ZNF383: variants seen among roughly 807,000 people sequenced by gnomAD.
ZNF383 encodes the protein zinc finger protein 383.
Under a neutral mutation model 44.2 loss-of-function variants are expected in ZNF383, and 32 were observed. The ratio of observed to expected loss-of-function variants is 0.72; its 90% CI spans 0.55 to 0.97. The LOEUF (loss-of-function observed/expected upper bound fraction) is 0.97. Among genes scored for constraint, ZNF383 ranks in the 50% least tolerant of loss-of-function variants. ZNF383 has a pLI of 0.00. For missense variants in ZNF383, 487 were observed against 562.5 expected (o/e 0.87, Z 1.36); for synonymous variants, 155 against 186.2 (o/e 0.83, Z 1.36).
At chr19:37,229,742 G>T (rs1268373747) in intron 2 of ZNF383, among the ~76,000 whole-genome samples, 1 of 141,100 alleles carries the variant, frequency 7.1e-6, no homozygotes, top group Non-Finnish European at 1.5e-5. Flanking sequence ...ATATGTGTGT[G>T]TATATATGTA....
intron 5 of ZNF383, among the ~76,000 whole-genome samples, chr19:37,236,954 AAC>A (rs35036376): frequency 0.065 from 9,500 of 146,714 alleles, 292 homozygotes; most frequent in Middle Eastern, 0.097. Flanking sequence ...CACACATGTG[AAC>A]ACACACACAC....
rs1003853721 is a variant in ZNF383 at position 37,220,574 on chromosome 19, G to GT, written c.-168+2302dup. Among the ~76,000 whole-genome samples the GT allele has an allele frequency of 7.8e-3, 1,141 of 147,054 alleles. 32 individuals are homozygous for GT. The highest frequency in any genetic ancestry group is 0.051 in the East Asian group (256 of 5,056). On this transcript the variant is annotated intron_variant, in intron 1 of 5. Coordinates refer to ENST00000684119, the MANE Select transcript of ZNF383 (RefSeq NM_001387601.1). ...GCCTATATTTGTTTTTTTTTTTGTT[G>GT]TTGTTTAATCCCTTTATATTACGTA... is the stretch of plus-strand genomic sequence containing the variant.
Position 37,242,663 on chromosome 19 carries a change from T to C in ZNF383, c.427T>C (p.Phe143Leu). The C allele has an allele frequency of 6.2e-7, 1 of 1,614,080 alleles. No homozygotes were observed. Among genetic ancestry groups the C allele is most frequent in the Non-Finnish European group, 8.5e-7 (1 of 1,179,994 alleles). The part of the protein sequence containing the change: ...YPNGHFSQEI[F>L]TPEYMPTFIQ... ...AAATGGGCATTTTAGTCAAGAAATA[T>C]TCACTCCTGAATACATGCCCACATT... Residue 143 changes from phenylalanine to leucine, a missense_variant, in exon 6 of 6, where the codon TTC (phenylalanine) becomes CTC (leucine). Coordinates refer to ENST00000684119, the MANE Select transcript of ZNF383 (RefSeq NM_001387601.1).
At chr19:37,234,490 G>A (rs1474311174) in intron 3 of ZNF383, among the ~76,000 whole-genome samples, 1 of 152,098 alleles carries the variant, frequency 6.6e-6, no homozygotes, top group Non-Finnish European at 1.5e-5. Context: ...CCGGATTCAC[G>A]CCACTCTCCT....
chr19:37,234,948 T>C (rs1393865906), intron 3 of ZNF383, among the ~76,000 whole-genome samples: 2 of 152,174 alleles, frequency 1.3e-5, no homozygotes, highest in Non-Finnish European at 2.9e-5. Flanking sequence ...CCAAAGAACC[T>C]TGGTTTCTTT....
intron 5 of ZNF383, among the ~76,000 whole-genome samples, chr19:37,237,250 G>A (rs1973859487): frequency 6.6e-6 from 1 of 152,140 alleles, no homozygotes; most frequent in African/African-American, 2.4e-5. Flanking sequence ...AGAGAAATGA[G>A]ATAAGGAGTT....
intron 3 of ZNF383, among the ~76,000 whole-genome samples, 162 bp from the exon 4 acceptor site, chr19:37,235,387 A>G (rs573283116): frequency 6.6e-6 from 1 of 152,310 alleles, no homozygotes; most frequent in Non-Finnish European, 1.5e-5. Context: ...AATTTGTTTA[A>G]TATAAACTTC....
Position 37,242,484 on chromosome 19 carries a change from G to C in ZNF383, c.248G>C (p.Cys83Ser). ...TTTCTTTCAGATCTGGAATCGATGTGTGAAACCAAGTTATTATCTCTAAAG... is the reference window on the plus strand; with the variant it reads ...TTTCTTTCAGATCTGGAATCGATGTCTGAAACCAAGTTATTATCTCTAAAG... The part of the protein sequence containing the change: ...RGLCSDLESM[C>S]ETKLLSLKKE... Residue 83 changes from cysteine to serine, a missense_variant, in exon 6 of 6, where the codon TGT becomes TCT. Physicochemically the swap from Cys to Ser is moderately radical, Grantham distance 112 (BLOSUM62 -1). Transcript: ENST00000684119. 6.3e-7 allele frequency: 1 copy of C among 1,589,972 alleles called. No homozygotes were observed. The highest frequency in any genetic ancestry group is 8.6e-7 in the Non-Finnish European group (1 of 1,165,108).
rs757297960 is a variant in ZNF383 at position 37,236,020 on chromosome 19, C to G, written c.178C>G (p.Gln60Glu). 1.9e-6 allele frequency: 3 copies of G among 1,613,760 alleles called. No homozygotes were observed. The South Asian group carries it at 3.3e-5, about 18-fold the overall frequency. The part of the protein sequence containing the change: ...PKPQVISLLE[Q>E]GKEPWMVGRE... ...GCCTCAAGTGATCTCCTTATTGGAA[C>G]AAGGGAAAGAGCCCTGGATGGTTGG... The change falls in exon 5 of 6, where the codon CAA becomes GAA. Residue 60 changes from glutamine (Q) to glutamate (E), a missense_variant. Coordinates refer to ENST00000684119, the MANE Select transcript of ZNF383 (RefSeq NM_001387601.1).
At chr19:37,234,644 C>T (rs1477927928) in intron 3 of ZNF383, among the ~76,000 whole-genome samples, 1 of 152,160 alleles carries the variant, frequency 6.6e-6, no homozygotes, top group East Asian at 1.9e-4. Flanking sequence ...CCCGCCTTGG[C>T]CTCCCAAAAT....
rs757422244 is a variant in ZNF383, at chr19:37,235,801, T to C, written c.136+126T>C. On this transcript the variant is annotated intron_variant, in intron 4 of 5. Coordinates refer to ENST00000684119, the MANE Select transcript of ZNF383 (RefSeq NM_001387601.1). Reference sequence around the variant, plus strand: ...TATTCTTTATTACCAAACAAATGGTTTGAGCTGAAATGAAAAGGAAGAGTG... The same window carrying C: ...TATTCTTTATTACCAAACAAATGGTCTGAGCTGAAATGAAAAGGAAGAGTG... 15 of 1,369,062 alleles carry C rather than the reference T, an allele frequency of 1.1e-5. No individual in the cohort carries two copies. The South Asian group carries it at 2.2e-4, about 20-fold the overall frequency. The allele number at this position is 1,369,062 out of a possible 1,614,324, so 84.8% of individuals were successfully genotyped here.
At chr19:37,236,935 G>A (rs145453019) in intron 5 of ZNF383, among the ~76,000 whole-genome samples, 7 of 148,380 alleles carry the variant, frequency 4.7e-5, no homozygotes, top group African/African-American at 9.9e-5. Flanking sequence ...ATATAATTGC[G>A]TCTGTATACA....
chr19:37,245,384 C>T lies in ZNF383; in HGVS notation c.*1720C>T, dbSNP rs2145554703. ...TTTCTCCTTGTGAGCTGTTTTGTTC[C>T]CTTACATCAATCCTAATCCCAATGC... is the stretch of plus-strand genomic sequence containing the variant. On this transcript the variant is annotated 3_prime_UTR_variant, in exon 6 of 6. Transcript: ENST00000684119. 6.6e-6 allele frequency: 1 copy of T among 152,160 alleles called. No individual in the cohort carries two copies. The highest frequency in any genetic ancestry group is 2.4e-5 in the African/African-American group (1 of 41,522). The allele number at this position is 152,160 out of a possible 1,614,324, so 9.4% of individuals were successfully genotyped here.
chr19:37,235,070 C>T (rs1045588851), intron 3 of ZNF383, among the ~76,000 whole-genome samples: 1 of 151,956 alleles, frequency 6.6e-6, no homozygotes, highest in African/African-American at 2.4e-5. Context: ...GTCAGGAGTT[C>T]GAGACCAGCC....
At chr19:37,237,864 ATT>A (rs776649087) in intron 5 of ZNF383, among the ~76,000 whole-genome samples, 23 of 139,778 alleles carry the variant, frequency 1.6e-4, no homozygotes, top group Non-Finnish European at 1.4e-4. Context: ...CGTTTTTGGA[ATT>A]TTTTTTTTTT....
At chr19:37,219,977 A>C (rs540281997) in intron 1 of ZNF383, among the ~76,000 whole-genome samples, 134 of 152,244 alleles carry the variant, frequency 8.8e-4, no homozygotes, top group African/African-American at 3.1e-3. Context: ...TTTTAAACAC[A>C]CACACACTCT....
intron 1 of ZNF383, 27 bp downstream of exon 1, chr19:37,218,301 T>A (rs1972766649): frequency 6.6e-6 from 1 of 152,428 alleles, no homozygotes; most frequent in South Asian, 2.1e-4. Flanking sequence ...TTGAAGGGAC[T>A]GACCAGGCTG....
intron 1 of ZNF383, among the ~76,000 whole-genome samples, chr19:37,220,647 A>G (rs1972879836): frequency 6.6e-6 from 1 of 151,680 alleles, no homozygotes; most frequent in South Asian, 2.1e-4. Flanking sequence ...AGAAGTAATT[A>G]TAAAGAGACC....
chr19:37,243,239 G>A lies in ZNF383; in HGVS notation c.1003G>A (p.Glu335Lys), dbSNP rs777507062. The change falls in exon 6 of 6, where the codon GAG (glutamate) becomes AAG (lysine). Residue 335 changes from glutamate (E) to lysine (K), a missense_variant. By Grantham distance (56) the Glu-to-Lys change is moderately conservative. Coordinates refer to ENST00000684119, the MANE Select transcript of ZNF383 (RefSeq NM_001387601.1). ...LVQHQRIHTG[E>K]KPYECKECGK... Reference sequence around the variant, plus strand: ...TCAACATCAGAGAATTCATACTGGTGAGAAACCCTATGAGTGCAAGGAATG... The same window carrying A: ...TCAACATCAGAGAATTCATACTGGTAAGAAACCCTATGAGTGCAAGGAATG... The A allele has an allele frequency of 1.2e-6, 2 of 1,614,080 alleles. No individual in the cohort carries two copies. The highest frequency in any genetic ancestry group is 2.2e-5 in the South Asian group (2 of 91,084).
Sources: gnomAD v4.1 joint callset for allele counts (sites outside exome capture counted in the v4.1 genomes callset) on GRCh38, gnomAD v4.1.1 for gene constraint, MANE v1.5 for transcripts, NCBI Gene and HGNC (gene_info 2026-07-23, HGNC 2026-07-21) for gene names.